MAN2A2: variants seen among roughly 807,000 people sequenced by gnomAD.
MAN2A2 encodes the protein mannosidase alpha class 2A member 2.
A neutral mutation model predicts 126.8 loss-of-function variants in MAN2A2; 79 were observed. The observed-to-expected ratio is 0.62, with a 90% CI of 0.52 to 0.75. MAN2A2 has a LOEUF of 0.75. Ranked by LOEUF, MAN2A2 falls within the 30% of genes least tolerant of loss-of-function variation. MAN2A2 has a pLI of 0.00. For synonymous variants in MAN2A2, 671 were observed against 618.7 expected, an observed-to-expected ratio of 1.08 and a Z score of -1.25; for missense variants, 1,392 against 1,522.4, an observed-to-expected ratio of 0.91 and a Z score of 1.43.
intron 8 of MAN2A2, among the ~76,000 whole-genome samples, chr15:90,908,696 C>T (rs1432643255): frequency 6.6e-6 from 1 of 151,962 alleles, no homozygotes; most frequent in Non-Finnish European, 1.5e-5. Context: ...CTGCCTCAGC[C>T]TCCTGAGTAG....
intron 12 of MAN2A2, 49 bp downstream of exon 12, chr15:90,911,010 C>T (rs766936495): frequency 2.6e-6 from 4 of 1,547,028 alleles, no homozygotes; most frequent in Non-Finnish European, 3.6e-6. Flanking sequence ...TGTGCAGGTC[C>T]CATCCCAAGA....
At chr15:90,911,339 G>T (rs1195072906) in intron 13 of MAN2A2, 46 bp from the exon 14 acceptor site, 2 of 1,613,328 alleles carry the variant, frequency 1.2e-6, no homozygotes, top group Non-Finnish European at 1.7e-6. Context: ...CGCTTGCCCT[G>T]GTCGGAAGCA....
chr15:90,904,430 C>G (rs978472356), intron 2 of MAN2A2, 91 bp downstream of exon 2: 37 of 1,377,002 alleles, frequency 2.7e-5, no homozygotes, highest in Middle Eastern at 2.6e-4. Context: ...CCTCCCACCC[C>G]CCGCTGGAGG....
chr15:90,916,584 A>G (rs2035202653), intron 20 of MAN2A2: 1 of 1,349,578 alleles, frequency 7.4e-7, no homozygotes, highest in South Asian at 1.2e-5. Flanking sequence ...TTGCCCCACC[A>G]GCCTGACTTT....
rs1390862258 is a variant in MAN2A2 at position 90,920,829 on chromosome 15, TG to T, written c.*1044del. 1.3e-5 allele frequency: 2 copies of T among 152,242 alleles called. No individual in the cohort carries two copies. Among genetic ancestry groups the T allele is most frequent in the African/African-American group, 4.8e-5 (2 of 41,462 alleles). The allele number at this position is 152,242 out of a possible 1,614,324, so 9.4% of individuals were successfully genotyped here. ...ATGTAGAGTATATGAGGAGGCAGTA[TG>T]GCTGTGCAGGAGCCTTCATTTCAGC... is the stretch of plus-strand genomic sequence containing the variant. On this transcript the variant is annotated 3_prime_UTR_variant, in exon 23 of 23. Coordinates refer to ENST00000559717, the MANE Select transcript of MAN2A2 (RefSeq NM_006122.4).
At position 90,906,818 on chromosome 15, in the gene MAN2A2, A is replaced by G. The variant is rs753994036; in HGVS notation, c.914A>G (p.Asn305Ser). 1 of 1,613,982 alleles carries G rather than the reference A, an allele frequency of 6.2e-7. No individual in the cohort carries two copies. Among genetic ancestry groups the G allele is most frequent in the Non-Finnish European group, 8.5e-7 (1 of 1,179,968 alleles). The change falls in exon 7 of 23, where the codon AAC becomes AGC. Residue 305 changes from asparagine to serine, a missense_variant. By Grantham distance (46) the Asn-to-Ser change is conservative. Coordinates refer to ENST00000559717, the MANE Select transcript of MAN2A2 (RefSeq NM_006122.4). ...STMPYLLRRA[N>S]LTSMLIQRVH... ...ATGCCTTACCTGCTGCGCCGTGCCA[A>G]CCTCACCAGCATGCTGATTCAGAGA... is the stretch of plus-strand genomic sequence containing the variant.
intron 16 of MAN2A2, 67 bp downstream of exon 16, chr15:90,912,731 T>A: frequency 6.2e-7 from 1 of 1,603,142 alleles, no homozygotes; most frequent in Non-Finnish European, 8.5e-7. Context: ...TTCCCACAGG[T>A]TTATTGCTGC....
intron 19 of MAN2A2, among the ~76,000 whole-genome samples, chr15:90,914,064 C>T (rs1024749304): frequency 3.3e-5 from 5 of 152,234 alleles, no homozygotes; most frequent in East Asian, 1.9e-4. Context: ...CAAAGCTAGG[C>T]ACAGTGGTTC....
At chr15:90,906,570 G>C (rs2034305197) in intron 6 of MAN2A2, 73 bp downstream of exon 6, 1 of 1,608,880 alleles carries the variant, frequency 6.2e-7, no homozygotes, top group Non-Finnish European at 8.5e-7. Context: ...AAGGCACAGG[G>C]ATCGGCAGGG....
chr15:90,913,750 A>G lies in MAN2A2; in HGVS notation c.2855A>G (p.Lys952Arg), dbSNP rs775378947. ...TAQALGVSSL[K>R]DGQLEVILDR... ...CAGGCCCTGGGTGTCTCTAGCCTCA[A>G]AGATGGTGAGTAGGGCCCAGGAGTT... Residue 952 changes from lysine (K) to arginine (R), a missense_variant, in exon 19 of 23, where the codon AAA (lysine) becomes AGA (arginine). Transcript: ENST00000559717. 1.7e-5 allele frequency: 27 copies of G among 1,592,814 alleles called. No homozygotes were observed. Among genetic ancestry groups the G allele is most frequent in the Non-Finnish European group, 2.3e-5 (27 of 1,168,672 alleles).
intron 4 of MAN2A2, 33 bp from the exon 5 acceptor site, chr15:90,905,812 G>C (rs777449566): frequency 6.3e-7 from 1 of 1,579,450 alleles, no homozygotes; most frequent in Non-Finnish European, 8.6e-7. Context: ...GAAGATGGTG[G>C]CATCCTCAGG....
Position 90,922,295 on chromosome 15 carries a change from A to T in MAN2A2, c.*2508A>T, listed in dbSNP as rs1426004120. ...CCTAAAGACAAGAGTGAGAGGGCTG[A>T]GTTCTTCCAGGTCATCAGAGTTGTT... On this transcript the variant is annotated 3_prime_UTR_variant, in exon 23 of 23. Transcript: ENST00000559717. 6.6e-6 allele frequency: 1 copy of T among 152,226 alleles called. No individual in the cohort carries two copies. The highest frequency in any genetic ancestry group is 1.5e-5 in the Non-Finnish European group (1 of 68,040). 9.4% of individuals were successfully genotyped at this position (152,226 alleles called of 1,614,324 possible).
Position 90,912,052 on chromosome 15 carries a change from C to T in MAN2A2, c.2119C>T (p.Pro707Ser), listed in dbSNP as rs1393362467. 1 of 1,611,764 alleles carries T rather than the reference C, an allele frequency of 6.2e-7. No homozygotes were observed. Among genetic ancestry groups the T allele is most frequent in the Admixed American group, 1.7e-5 (1 of 59,976 alleles). Residue 707 changes from proline (P) to serine (S), a missense_variant, in exon 15 of 23, where the codon CCT (proline) becomes TCT (serine). Physicochemically the swap from Pro to Ser is moderately conservative, Grantham distance 74. Transcript: ENST00000559717. ...AVPDVYQVSVPVRLPALGLGV... is the reference protein window; with the variant it reads ...AVPDVYQVSVSVRLPALGLGV... ...CCTCCTGTGCCCACAGGTGTCTGTG[C>T]CTGTCCGCCTGCCAGCCCTGGGCCT...
intron 15 of MAN2A2, 34 bp downstream of exon 15, chr15:90,912,313 G>A (rs1596162641): frequency 6.2e-7 from 1 of 1,609,004 alleles, no homozygotes; most frequent in Non-Finnish European, 8.5e-7. Context: ...AGGGCCAGGG[G>A]CCAGAGTAGG....
intron 6 of MAN2A2, 91 bp from the exon 7 acceptor site, chr15:90,906,649 G>C (rs896978348): frequency 6.4e-7 from 1 of 1,573,762 alleles, no homozygotes; most frequent in African/African-American, 1.3e-5. Flanking sequence ...CTCACTACCA[G>C]GACAAGAGCT....
chr15:90,903,792 G>A, intron 1 of MAN2A2: 1 of 313,486 alleles, frequency 3.2e-6, no homozygotes, highest in Non-Finnish European at 6.3e-6. Context: ...CAGTCTCTTT[G>A]GGTTCTGGCT....
At position 90,909,369 on chromosome 15, in the gene MAN2A2, G is replaced by C; in HGVS notation, c.1239G>C (p.Leu413=). The C allele has an allele frequency of 6.2e-7, 1 of 1,613,992 alleles. No homozygotes were observed. The highest frequency in any genetic ancestry group is 1.1e-5 in the South Asian group (1 of 91,082). ...ACCAATACCGGAAGAAGTCCCAGCT[G>C]TTCCGAAGCAACGTCCTCCTGGTGC... ...LLDQYRKKSQ[L]FRSNVLLVPL... The change falls in exon 9 of 23, where the codon CTG becomes CTC. Residue 413 remains leucine (L), a synonymous_variant. Coordinates refer to ENST00000559717, the MANE Select transcript of MAN2A2 (RefSeq NM_006122.4).
chr15:90,902,599 G>T (rs990297379), upstream of MAN2A2: 2 of 152,136 alleles, frequency 1.3e-5, no homozygotes, highest in African/African-American at 2.4e-5. Flanking sequence ...GCCCGGGCTG[G>T]TGCGGCTGCG....
Position 90,921,356 on chromosome 15 carries a change from G to A in MAN2A2, c.*1569G>A, listed in dbSNP as rs1413752670. On this transcript the variant is annotated 3_prime_UTR_variant, in exon 23 of 23. Coordinates refer to ENST00000559717, the MANE Select transcript of MAN2A2 (RefSeq NM_006122.4). ...ATTGACAGTTCTAAAGTGCATTTGGGAGAGTGAATGTGTGAGAACACTAAG... is the reference window on the plus strand; with the variant it reads ...ATTGACAGTTCTAAAGTGCATTTGGAAGAGTGAATGTGTGAGAACACTAAG... 1 of 152,210 alleles carries A rather than the reference G, an allele frequency of 6.6e-6. No homozygotes were observed. Among genetic ancestry groups the A allele is most frequent in the Non-Finnish European group, 1.5e-5 (1 of 68,040 alleles). 9.4% of individuals were successfully genotyped at this position (152,210 alleles called of 1,614,324 possible). A position where few individuals can be genotyped will look rare whatever the true frequency, so the allele number is the denominator to read the frequency against.
Sources: gnomAD v4.1 joint callset for allele counts (sites outside exome capture counted in the v4.1 genomes callset) on GRCh38, gnomAD v4.1.1 for gene constraint, MANE v1.5 for transcripts, NCBI Gene and HGNC (gene_info 2026-07-23, HGNC 2026-07-21) for gene names.